Variants in INSR observed in about 807,000 individuals in gnomAD.
The protein encoded by INSR is insulin receptor.
In INSR, 67 loss-of-function variants were observed where a neutral mutation model predicts 142.6. The observed-to-expected ratio is 0.47, with a 90% CI of 0.39 to 0.58. The LOEUF is 0.58. INSR is among the 20% of genes least tolerant of loss of function. The pLI is 0.00. For missense variants in INSR, 1,248 were observed against 1,833.2 expected, an observed-to-expected ratio of 0.68 and a Z score of 5.83; for synonymous variants, 756 against 743.1, an observed-to-expected ratio of 1.02 and a Z score of -0.28.
rs1332647313 is a variant in INSR at position 7,150,759 on chromosome 19, C to T, written c.2232-227G>A. On this transcript the variant is annotated intron_variant, in intron 10 of 21. Transcript: ENST00000302850. This position sits in a 1 kb window ranked among gnomAD's most constrained non-coding sequence, Gnocchi z 4.2. ...AATCAGAGAAAATTCTCCCCAGAGA[C>T]GGCCTGCTGAGGTGGCCCTGGGATG... Among the ~76,000 whole-genome samples the T allele has an allele frequency of 2.0e-5, 3 of 152,170 alleles. No individual in the cohort carries two copies. Among genetic ancestry groups the T allele is most frequent in the East Asian group, 3.9e-4 (2 of 5,186 alleles).
intron 1 of INSR, among the ~76,000 whole-genome samples, chr19:7,288,948 GTGAA>G (rs1968416401): frequency 1.2e-5 from 1 of 83,074 alleles, no homozygotes; most frequent in African/African-American, 5.1e-5. Context: ...GGGTGAAGAA[GTGAA>G]AAAAAAAAAA....
intron 1 of INSR, among the ~76,000 whole-genome samples, chr19:7,277,127 T>A (rs977312139): frequency 6.6e-6 from 1 of 152,102 alleles, no homozygotes; most frequent in Non-Finnish European, 1.5e-5. Context: ...CTGTCTCCCA[T>A]CTGAGCCAGA....
intron 2 of INSR, among the ~76,000 whole-genome samples, chr19:7,233,690 T>C (rs1976067013): frequency 6.9e-6 from 1 of 145,576 alleles, no homozygotes; most frequent in African/African-American, 2.5e-5. Flanking sequence ...TTTTTTTTTT[T>C]TTTGAGACGC....
At chr19:7,270,339 T>TCTCACACACACACACA (rs1414011806) in intron 1 of INSR, among the ~76,000 whole-genome samples, 81 of 120,284 alleles carry the variant, frequency 6.7e-4, no homozygotes, top group East Asian at 1.7e-3. Flanking sequence ...TCTCTCTCTC[T>TCTCACACACACACACA]CACACACACA....
chr19:7,288,963 A>C lies in INSR; in HGVS notation c.100+4829T>G, dbSNP rs867183017. ...GGGTGAAGAAGTGAAAAAAAAAAAA[A>C]AAAAAAAGTGAGCTGAGAGAAGATT... is the stretch of plus-strand genomic sequence containing the variant. On this transcript the variant is annotated intron_variant, in intron 1 of 21. Transcript: ENST00000302850. Among the ~76,000 whole-genome samples the C allele has an allele frequency of 9.7e-4, 148 of 151,896 alleles. 1 individual carries two copies. The Middle Eastern group carries it at 0.027, about 28-fold the overall frequency.
chr19:7,173,667 T>C (rs1974071000), intron 4 of INSR, among the ~76,000 whole-genome samples: 1 of 133,730 alleles, frequency 7.5e-6, no homozygotes, highest in South Asian at 2.6e-4. Flanking sequence ...TCGCCCAGGC[T>C]AGAGTGCAGT....
chr19:7,203,742 G>T (rs1203608544), intron 2 of INSR, among the ~76,000 whole-genome samples: 1 of 152,150 alleles, frequency 6.6e-6, no homozygotes, highest in African/African-American at 2.4e-5. Context: ...CTGAATTTCT[G>T]CAGAGGCACC....
rs532159206 is a variant in INSR at position 7,249,798 on chromosome 19, C to T, written c.652+17547G>A. 2.6e-3 allele frequency among the ~76,000 whole-genome samples: 389 copies of T among 152,262 alleles called. 2 individuals are homozygous for T. Among genetic ancestry groups the T allele is most frequent in the Non-Finnish European group, 4.9e-3 (336 of 68,030 alleles). Reference sequence around the variant, plus strand: ...ACGAGGTCAGGAGATCGAGACCATCCTGGCTAACAGGGTGAAACCCCGTCT... The same window carrying T: ...ACGAGGTCAGGAGATCGAGACCATCTTGGCTAACAGGGTGAAACCCCGTCT... On this transcript the variant is annotated intron_variant, in intron 2 of 21. Transcript: ENST00000302850.
At position 7,166,310 on chromosome 19, in the gene INSR, C is replaced by G; in HGVS notation, c.1705G>C (p.Asp569His). ...CCTGGGTGGTTCTGTGATTTGGGGTCGTTGGACCTCAGGGGTGGGTCAATG... is the reference window on the plus strand; with the variant it reads ...CCTGGGTGGTTCTGTGATTTGGGGTGGTTGGACCTCAGGGGTGGGTCAATG... ...VDIDPPLRSNDPKSQNHPGWL... is the reference protein window; with the variant it reads ...VDIDPPLRSNHPKSQNHPGWL... The change falls in exon 8 of 22, where the codon GAC becomes CAC. Residue 569 changes from aspartate (D) to histidine (H), a missense_variant. Around this residue, in one of 3 missense-constraint regions of INSR, gnomAD observed 1,069 missense variants for 1,654.0 expected, o/e 0.65. Coordinates refer to ENST00000302850, the MANE Select transcript of INSR (RefSeq NM_000208.4). This position sits in a 1 kb window ranked among gnomAD's most constrained non-coding sequence, Gnocchi z 4.1. The G allele has an allele frequency of 6.2e-7, 1 of 1,614,144 alleles. No homozygotes were observed. The highest frequency in any genetic ancestry group is 8.5e-7 in the Non-Finnish European group (1 of 1,180,034).
chr19:7,127,865 T>C (rs1259846598), intron 15 of INSR, among the ~76,000 whole-genome samples: 1 of 151,872 alleles, frequency 6.6e-6, no homozygotes, highest in African/African-American at 2.4e-5. Context: ...TGCCTCAGCC[T>C]CCTGAGAAGC....
At chr19:7,162,788 C>G (rs1264103891) in intron 9 of INSR, among the ~76,000 whole-genome samples, 2 of 151,774 alleles carry the variant, frequency 1.3e-5, no homozygotes, top group Non-Finnish European at 2.9e-5. Flanking sequence ...TCATTGCACT[C>G]CAGCCTGGGC....
chr19:7,164,515 C>G (rs537204337), intron 8 of INSR, among the ~76,000 whole-genome samples: 1 of 151,326 alleles, frequency 6.6e-6, no homozygotes, highest in African/African-American at 2.4e-5. Context: ...GAAGCCCCAT[C>G]TCTATTAAAA....
At chr19:7,124,690 G>A (rs1172034397) in intron 17 of INSR, among the ~76,000 whole-genome samples, 1 of 134,158 alleles carries the variant, frequency 7.5e-6, no homozygotes, top group Non-Finnish European at 1.6e-5. Context: ...TGCTGTTTTG[G>A]AAGCTCTACA....
At chr19:7,265,098 C>G (rs1967680441) in intron 2 of INSR, among the ~76,000 whole-genome samples, 1 of 152,200 alleles carries the variant, frequency 6.6e-6, no homozygotes, top group South Asian at 2.1e-4. Flanking sequence ...CCACCTCCAT[C>G]GCATGTTCCC....
At chr19:7,253,429 G>A (rs1420145248) in intron 2 of INSR, among the ~76,000 whole-genome samples, 1 of 151,654 alleles carries the variant, frequency 6.6e-6, no homozygotes, top group Non-Finnish European at 1.5e-5. Flanking sequence ...GTAGAGACGG[G>A]GTTTCACCAC....
Position 7,150,404 on chromosome 19 carries a change from C to G in INSR, c.2267+93G>C. ...ACAGCTGCCCGCCGCATGCAAAAAG[C>G]CACAGAAACCCCTGGGTTCTCCGAG... On this transcript the variant is annotated intron_variant, in intron 11 of 21. Transcript: ENST00000302850. This position sits in a 1 kb window ranked among gnomAD's most constrained non-coding sequence, Gnocchi z 4.2. 8.5e-7 allele frequency: 1 copy of G among 1,175,562 alleles called. No individual in the cohort carries two copies. The highest frequency in any genetic ancestry group is 2.3e-5 in the East Asian group (1 of 42,586). The allele number at this position is 1,175,562 out of a possible 1,614,324, so 72.8% of individuals were successfully genotyped here.
chr19:7,151,686 A>C (rs1263394544), intron 10 of INSR, among the ~76,000 whole-genome samples: 3 of 151,168 alleles, frequency 2.0e-5, no homozygotes, highest in African/African-American at 7.4e-5. Context: ...AACATGCAAC[A>C]AAAAAAGAAA....
intron 2 of INSR, among the ~76,000 whole-genome samples, chr19:7,251,856 T>G (rs1976739451): frequency 6.6e-6 from 1 of 152,040 alleles, no homozygotes; most frequent in Non-Finnish European, 1.5e-5. Context: ...TTTTTTTATG[T>G]AATAAGATAG....
chr19:7,193,832 G>A (rs1227974753), intron 2 of INSR, among the ~76,000 whole-genome samples: 2 of 151,916 alleles, frequency 1.3e-5, no homozygotes, highest in Non-Finnish European at 2.9e-5. Flanking sequence ...TGGGACTACA[G>A]GCGTACACCA....
Sources: allele counts gnomAD v4.1 joint callset (sites outside exome capture counted in the v4.1 genomes callset), GRCh38; gene constraint gnomAD v4.1.1; regional missense constraint gnomAD v4.1.1; non-coding constraint Gnocchi (gnomAD v3.1); transcripts MANE v1.5; gene names NCBI Gene and HGNC (gene_info 2026-07-23, HGNC 2026-07-21).